MAGI2: variants seen among roughly 807,000 people sequenced by gnomAD.
MAGI2 encodes membrane-associated guanylate kinase, WW and PDZ domain-containing protein 2.
In MAGI2, 35 loss-of-function variants were observed where a neutral mutation model predicts 133.3. The observed-to-expected ratio is 0.26, with a 90% CI of 0.20 to 0.35. The LOEUF (loss-of-function observed/expected upper bound fraction) is 0.35. Ranked by LOEUF, MAGI2 falls within the 10% of genes least tolerant of loss-of-function variation. The pLI is 1.00. For missense variants in MAGI2, 1,636 were observed against 1,863.4 expected, an observed-to-expected ratio of 0.88 and a Z score of 2.25; for synonymous variants, 729 against 710.6, an observed-to-expected ratio of 1.03 and a Z score of -0.41.
At chr7:78,566,372 G>A (rs1216005642) in intron 3 of MAGI2, among the ~76,000 whole-genome samples, 1 of 152,022 alleles carries the variant, frequency 6.6e-6, no homozygotes, top group East Asian at 1.9e-4. Flanking sequence ...AAGGCATGGA[G>A]GTGAGAATGG....
intron 1 of MAGI2, among the ~76,000 whole-genome samples, chr7:79,269,877 T>C (rs1585385636): frequency 6.6e-6 from 1 of 152,224 alleles, no homozygotes; most frequent in South Asian, 2.1e-4. Context: ...AAGAATAAGA[T>C]TATAGGAGGG....
chr7:78,632,375 AG>A lies in MAGI2; in HGVS notation c.419-5137del, dbSNP rs528493608. ...TGTTAGCTTAGACAGTATGGAGAAA[AG>A]GGTGGAGGAGAAGAGACTGTGAGAA... On this transcript the variant is annotated intron_variant, in intron 2 of 21. Coordinates refer to ENST00000354212, the MANE Select transcript of MAGI2 (RefSeq NM_012301.4). Among the ~76,000 whole-genome samples, 12 of 152,296 alleles carry A rather than the reference AG, an allele frequency of 7.9e-5. No homozygotes were observed. In the South Asian group the frequency reaches 2.5e-3, roughly 32 times the overall value.
intron 6 of MAGI2, among the ~76,000 whole-genome samples, chr7:78,431,229 G>C (rs1013767402): frequency 2.0e-5 from 3 of 152,062 alleles, no homozygotes; most frequent in African/African-American, 7.2e-5. Context: ...GTATGTGAGT[G>C]AAGGTTCAGT....
At chr7:79,057,504 T>C (rs1342022006) in intron 1 of MAGI2, among the ~76,000 whole-genome samples, 1 of 152,240 alleles carries the variant, frequency 6.6e-6, no homozygotes, top group African/African-American at 2.4e-5. Context: ...TATAATATTC[T>C]TACAAGAGAA....
chr7:78,077,602 T>C (rs893993222), intron 21 of MAGI2, among the ~76,000 whole-genome samples: 1 of 151,384 alleles, frequency 6.6e-6, no homozygotes, highest in Non-Finnish European at 1.5e-5. Context: ...ATTTAAGGTC[T>C]TTGAGTTTAG....
At chr7:78,283,982 C>G (rs1415633745) in intron 9 of MAGI2, among the ~76,000 whole-genome samples, 1 of 152,006 alleles carries the variant, frequency 6.6e-6, no homozygotes, top group Non-Finnish European at 1.5e-5. Flanking sequence ...TCATTTTTCA[C>G]TTAAGGATAA....
intron 1 of MAGI2, among the ~76,000 whole-genome samples, chr7:79,240,474 T>C (rs1033398022): frequency 2.0e-5 from 3 of 152,046 alleles, no homozygotes; most frequent in African/African-American, 7.2e-5. Context: ...CAATGGCATG[T>C]ATTCTCAATG....
intron 16 of MAGI2, among the ~76,000 whole-genome samples, chr7:78,145,918 G>A (rs531170738): frequency 1.1e-4 from 16 of 152,146 alleles, no homozygotes; most frequent in African/African-American, 2.4e-4. Context: ...CCGAAGGCCC[G>A]TCTCCAAGCA....
At chr7:79,146,996 A>G (rs1195175300) in intron 1 of MAGI2, among the ~76,000 whole-genome samples, 1 of 152,206 alleles carries the variant, frequency 6.6e-6, no homozygotes, top group Non-Finnish European at 1.5e-5. Flanking sequence ...GAGATATCAA[A>G]GTGTTAAGAA....
At chr7:78,261,063 A>C (rs1173430069) in intron 9 of MAGI2, among the ~76,000 whole-genome samples, 1 of 151,606 alleles carries the variant, frequency 6.6e-6, no homozygotes, top group African/African-American at 2.4e-5. Context: ...CTCACTTACC[A>C]CTCCCTGTCT....
At chr7:78,524,238 C>T (rs1279630157) in intron 3 of MAGI2, among the ~76,000 whole-genome samples, 3 of 152,176 alleles carry the variant, frequency 2.0e-5, no homozygotes, top group Non-Finnish European at 2.9e-5. Flanking sequence ...AGAGCCTCTC[C>T]CTGCCCCTGC....
intron 5 of MAGI2, among the ~76,000 whole-genome samples, chr7:78,494,969 T>C (rs1793952908): frequency 1.3e-5 from 2 of 152,190 alleles, no homozygotes; most frequent in Admixed American, 1.3e-4. Flanking sequence ...TAAAACAATC[T>C]TCTGAAGAAG....
intron 2 of MAGI2, among the ~76,000 whole-genome samples, chr7:78,925,404 T>C (rs772659770): frequency 6.6e-6 from 1 of 152,082 alleles, no homozygotes; most frequent in Non-Finnish European, 1.5e-5. Context: ...ATGTGGAATT[T>C]GTATGCCTCT....
At chr7:78,285,831 C>A (rs1584722281) in intron 9 of MAGI2, 2 of 152,268 alleles carry the variant, frequency 1.3e-5, no homozygotes, top group Middle Eastern at 6.8e-3. Flanking sequence ...GTGTGAATAA[C>A]AAGCCTCTAG....
intron 1 of MAGI2, among the ~76,000 whole-genome samples, chr7:79,298,934 T>A (rs10248259): frequency 0.022 from 3,321 of 152,282 alleles, 98 homozygotes; most frequent in African/African-American, 0.076. Context: ...TACCTTAATC[T>A]CAGGCTTCTA....
intron 1 of MAGI2, among the ~76,000 whole-genome samples, chr7:79,035,558 T>C (rs138047450): frequency 5.3e-5 from 8 of 152,276 alleles, no homozygotes; most frequent in African/African-American, 1.9e-4. Context: ...GGCATAATTA[T>C]GTAAATTCTA....
chr7:79,407,201 T>C (rs555091641), intron 1 of MAGI2, among the ~76,000 whole-genome samples: 53 of 152,312 alleles, frequency 3.5e-4, no homozygotes, highest in African/African-American at 1.2e-3. Flanking sequence ...AACCTTGACC[T>C]GATATTCATA....
chr7:79,449,768 TAAAAGCA>T (rs1211619042), intron 1 of MAGI2, among the ~76,000 whole-genome samples: 5 of 151,730 alleles, frequency 3.3e-5, no homozygotes, highest in Admixed American at 6.6e-5. Flanking sequence ...TTGTGTGGAT[TAAAAGCA>T]GAAAGCTTAA....
chr7:78,154,379 G>C (rs997829677), intron 16 of MAGI2, among the ~76,000 whole-genome samples: 2 of 152,336 alleles, frequency 1.3e-5, no homozygotes, highest in Admixed American at 6.5e-5. Context: ...TGAGCTGGAG[G>C]ATTGCGAGGA....
Sources: gnomAD v4.1 joint callset for allele counts (sites outside exome capture counted in the v4.1 genomes callset) on GRCh38, gnomAD v4.1.1 for gene constraint, MANE v1.5 for transcripts, NCBI Gene and HGNC (gene_info 2026-07-23, HGNC 2026-07-21) for gene names.